PRELID2: variants seen among roughly 807,000 people sequenced by gnomAD.
PRELID2 encodes PRELI domain-containing protein 2.
A neutral mutation model predicts 28.4 loss-of-function variants in PRELID2; 25 were observed. That is an observed-to-expected ratio of 0.88 (90% CI 0.64 to 1.23). PRELID2 has a LOEUF of 1.23. Ranked by LOEUF, PRELID2 falls within the 50% of genes most tolerant of loss-of-function variation. The pLI is 0.00. For missense variants in PRELID2, 201 were observed against 214.4 expected, an observed-to-expected ratio of 0.94 and a Z score of 0.39; for synonymous variants, 76 against 71.6, an observed-to-expected ratio of 1.06 and a Z score of -0.31.
At chr5:145,602,840 T>A (rs1287843964) in intron 1 of PRELID2, among the ~76,000 whole-genome samples, 1 of 151,638 alleles carries the variant, frequency 6.6e-6, no homozygotes, top group Non-Finnish European at 1.5e-5. Context: ...TCACCTGAGG[T>A]CAGGAGTTCG....
the PRELID2 span, among the ~76,000 whole-genome samples, chr5:145,422,067 T>A: frequency 7.1e-6 from 1 of 140,412 alleles, no homozygotes; most frequent in East Asian, 2.0e-4. Context: ...TAATCCTGAG[T>A]TCTAGTTTGA....
chr5:145,387,936 CAA>C, the PRELID2 span, among the ~76,000 whole-genome samples: 168 of 110,968 alleles, frequency 1.5e-3, no homozygotes, highest in South Asian at 0.01. Context: ...AAGACAGAAC[CAA>C]AAAAAAAAAA....
chr5:145,525,655 T>C (rs980488343), intron 1 of PRELID2, among the ~76,000 whole-genome samples: 1 of 152,188 alleles, frequency 6.6e-6, no homozygotes, highest in African/African-American at 2.4e-5. Context: ...GCTTCTCTCC[T>C]CAGGCAAAAA....
chr5:145,421,397 G>C, the PRELID2 span, among the ~76,000 whole-genome samples: 3 of 150,796 alleles, frequency 2.0e-5, no homozygotes, highest in Non-Finnish European at 4.4e-5. Context: ...ATTGATTATT[G>C]CCACAATTTC....
the PRELID2 span, among the ~76,000 whole-genome samples, chr5:145,286,735 T>TTG: frequency 1.9e-3 from 288 of 149,260 alleles, no homozygotes; most frequent in African/African-American, 6.7e-3. Flanking sequence ...TTTTTTTTTT[T>TTG]TTTTGAGACG....
At chr5:145,821,257 G>C (rs1042771227) in intron 2 of PRELID2, among the ~76,000 whole-genome samples, 2 of 150,472 alleles carry the variant, frequency 1.3e-5, no homozygotes, top group African/African-American at 4.9e-5. Flanking sequence ...TCTTCTGTGT[G>C]TATGTGTGTG....
downstream of PRELID2, among the ~76,000 whole-genome samples, chr5:145,753,420 G>A (rs982110073): frequency 3.3e-5 from 5 of 152,184 alleles, no homozygotes; most frequent in Non-Finnish European, 4.4e-5. Flanking sequence ...GGCTGTGCAC[G>A]AAGTAGTATT....
chr5:145,713,371 C>A (rs1259031957), intron 1 of PRELID2, among the ~76,000 whole-genome samples: 4 of 108,590 alleles, frequency 3.7e-5, no homozygotes, highest in African/African-American at 7.9e-5. Flanking sequence ...TATATATATA[C>A]TTTACATTAT....
intron 1 of PRELID2, among the ~76,000 whole-genome samples, chr5:145,524,966 T>C (rs1752595528): frequency 1.3e-5 from 2 of 152,200 alleles, no homozygotes; most frequent in South Asian, 4.1e-4. Flanking sequence ...AGTTAGCTAA[T>C]TATATTTTCC....
intron 1 of PRELID2, among the ~76,000 whole-genome samples, chr5:145,581,180 G>A (rs1443710170): frequency 1.3e-5 from 2 of 151,966 alleles, no homozygotes; most frequent in East Asian, 3.9e-4. Context: ...GTTTCAGTCT[G>A]TATTTAGATA....
At chr5:145,830,629 T>G (rs1755519525) in intron 1 of PRELID2, among the ~76,000 whole-genome samples, 1 of 152,352 alleles carries the variant, frequency 6.6e-6, no homozygotes, top group Middle Eastern at 3.4e-3. Context: ...GTCAAGTGCA[T>G]TGACACTATA....
the PRELID2 span, among the ~76,000 whole-genome samples, chr5:145,264,757 T>G: frequency 2.0e-5 from 3 of 152,016 alleles, no homozygotes; most frequent in African/African-American, 7.2e-5. Context: ...GTGGATCATC[T>G]GAGGTCAGGA....
chr5:145,386,350 A>G, the PRELID2 span, among the ~76,000 whole-genome samples: 135 of 152,238 alleles, frequency 8.9e-4, no homozygotes, highest in African/African-American at 3.1e-3. Context: ...CCACAGTTCA[A>G]GATGAGATAC....
At position 145,606,062 on chromosome 5, in the gene PRELID2, T is replaced by A. The variant is rs74686821; in HGVS notation, n.71-132747A>T. On this transcript the variant is annotated intron_variant and non_coding_transcript_variant, in intron 1 of 2. Transcript: ENST00000510259. ...TGGGATTGCATTTTTGCTGTGGCCC[T>A]CAGCTTGGACATTGTTGATATACAC... is the stretch of plus-strand genomic sequence containing the variant. Among the ~76,000 whole-genome samples, 1,022 of 152,206 alleles carry A rather than the reference T, an allele frequency of 6.7e-3. 21 individuals are homozygous for A. The highest frequency in any genetic ancestry group is 0.023 in the African/African-American group (967 of 41,550).
intron 1 of PRELID2, among the ~76,000 whole-genome samples, chr5:145,535,529 T>A (rs1752691458): frequency 1.3e-5 from 2 of 151,862 alleles, no homozygotes; most frequent in South Asian, 4.1e-4. Context: ...ATTATTATAT[T>A]TCAAAAGGCA....
chr5:145,576,676 TAA>T (rs61665534), intron 1 of PRELID2, among the ~76,000 whole-genome samples: 27,371 of 141,372 alleles, frequency 0.19, 4,333 homozygotes, highest in African/African-American at 0.44. Context: ...AGCACAATAG[TAA>T]AAAAAAAAAA....
chr5:145,799,533 T>C (rs757878185), intron 4 of PRELID2, among the ~76,000 whole-genome samples: 5 of 151,772 alleles, frequency 3.3e-5, no homozygotes, highest in East Asian at 1.9e-4. Context: ...GTGTCAGCAA[T>C]TGGAGGTGAA....
At chr5:145,415,246 T>C in the PRELID2 span, among the ~76,000 whole-genome samples, 2 of 151,950 alleles carry the variant, frequency 1.3e-5, no homozygotes, top group Non-Finnish European at 2.9e-5. Flanking sequence ...TTGTTGTTGG[T>C]TTTGTTTTGT....
chr5:145,489,392 A>G (rs924621098), intron 1 of PRELID2, among the ~76,000 whole-genome samples: 2 of 152,204 alleles, frequency 1.3e-5, no homozygotes, highest in African/African-American at 4.8e-5. Context: ...TAATATTAAA[A>G]ATAGTTGTAT....
Sources: allele counts gnomAD v4.1 joint callset (sites outside exome capture counted in the v4.1 genomes callset), GRCh38; gene constraint gnomAD v4.1.1; transcripts MANE v1.5; gene names NCBI Gene and HGNC (gene_info 2026-07-23, HGNC 2026-07-21).